GALNT13: variants seen among roughly 807,000 people sequenced by gnomAD.
GALNT13 encodes the protein UDP-GalNAc:polypeptide N-acetylgalactosaminyltransferase 13.
A neutral mutation model predicts 64.2 loss-of-function variants in GALNT13; 28 were observed. That is an observed-to-expected ratio of 0.44 (90% CI 0.32 to 0.60). The LOEUF (loss-of-function observed/expected upper bound fraction) is 0.60, where lower values mean the gene tolerates loss of function less well. Ranked by LOEUF, GALNT13 falls within the 20% of genes least tolerant of loss-of-function variation. The pLI is 0.05. For synonymous variants in GALNT13, 214 were observed against 224.6 expected, an observed-to-expected ratio of 0.95 and a Z score of 0.42; for missense variants, 577 against 669.8, an observed-to-expected ratio of 0.86 and a Z score of 1.53.
the GALNT13 span, among the ~76,000 whole-genome samples, chr2:153,579,169 A>T: frequency 2.0e-5 from 3 of 152,180 alleles, no homozygotes; most frequent in Non-Finnish European, 2.9e-5. Flanking sequence ...CTACCTAGAG[A>T]TTAAAAACTA....
In GALNT13 at chr2:154,242,188, G is replaced by C. The variant is rs1461978668; in HGVS notation, c.470G>C (p.Ser157Thr). The change falls in exon 5 of 13, where the codon AGT becomes ACT. Residue 157 changes from serine to threonine, a missense_variant. Ser to Thr is a moderately conservative substitution (Grantham distance 58). Around this residue, in one of 3 missense-constraint regions of GALNT13, gnomAD observed 341 missense variants for 379.3 expected, o/e 0.90. Transcript: ENST00000392825. ...LSEVILVDDA[S>T]ERDFLKLTLE... ...GAGGTCATCTTGGTAGATGATGCCA[G>C]TGAAAGAGGTACAAACTGGTTTTTT... is the stretch of plus-strand genomic sequence containing the variant. 6.2e-7 allele frequency: 1 copy of C among 1,606,658 alleles called. No homozygotes were observed. The highest frequency in any genetic ancestry group is 8.5e-7 in the Non-Finnish European group (1 of 1,177,970).
At chr2:153,827,081 C>G in the GALNT13 span, among the ~76,000 whole-genome samples, 1 of 152,028 alleles carries the variant, frequency 6.6e-6, no homozygotes, top group African/African-American at 2.4e-5. Flanking sequence ...TAGAGTCTCA[C>G]ATGATTGTAG....
chr2:153,189,290 T>A, the GALNT13 span, among the ~76,000 whole-genome samples: 1 of 152,122 alleles, frequency 6.6e-6, no homozygotes, highest in Non-Finnish European at 1.5e-5. Context: ...GAGATCAGCA[T>A]TTTTTTAGCT....
the GALNT13 span, among the ~76,000 whole-genome samples, chr2:153,843,224 A>G: frequency 2.6e-5 from 4 of 152,164 alleles, no homozygotes; most frequent in Admixed American, 1.3e-4. Flanking sequence ...TGTTGCTGAC[A>G]TATGCTGGGC....
chr2:154,294,378 C>T (rs1692802365), intron 8 of GALNT13, among the ~76,000 whole-genome samples: 1 of 152,136 alleles, frequency 6.6e-6, no homozygotes, highest in Admixed American at 6.5e-5. Context: ...TTTCGTATAT[C>T]CTTATCTTTG....
At chr2:154,208,634 G>A (rs1423061841) in intron 4 of GALNT13, among the ~76,000 whole-genome samples, 2 of 129,676 alleles carry the variant, frequency 1.5e-5, no homozygotes, top group Non-Finnish European at 3.3e-5. Context: ...CTGTGTGTGT[G>A]TGTGTGTGTG....
chr2:153,837,515 C>T, the GALNT13 span, among the ~76,000 whole-genome samples: 1 of 152,040 alleles, frequency 6.6e-6, no homozygotes, highest in African/African-American at 2.4e-5. Flanking sequence ...ATTTGCCTTT[C>T]TGTTTCTGGC....
At chr2:154,279,374 A>G (rs1691834097) in intron 8 of GALNT13, among the ~76,000 whole-genome samples, 1 of 152,170 alleles carries the variant, frequency 6.6e-6, no homozygotes, top group African/African-American at 2.4e-5. Context: ...AGAAGAAACT[A>G]AGGATATTTG....
the GALNT13 span, among the ~76,000 whole-genome samples, chr2:153,627,115 G>T: frequency 2.6e-5 from 4 of 152,054 alleles, no homozygotes; most frequent in Admixed American, 1.3e-4. Context: ...ACCTGAAGGT[G>T]CTTGCAGCCA....
chr2:153,250,091 T>C, the GALNT13 span, among the ~76,000 whole-genome samples: 1 of 151,914 alleles, frequency 6.6e-6, no homozygotes, highest in Admixed American at 6.6e-5. Context: ...ATCATCAGAG[T>C]GAACAGACAA....
intron 9 of GALNT13, among the ~76,000 whole-genome samples, chr2:154,344,416 TC>T (rs1320535832): frequency 6.6e-6 from 1 of 152,044 alleles, no homozygotes; most frequent in African/African-American, 2.4e-5. Context: ...TGAGCTGACA[TC>T]AATGCTTTCA....
At chr2:153,855,342 G>T in the GALNT13 span, among the ~76,000 whole-genome samples, 3 of 152,064 alleles carry the variant, frequency 2.0e-5, no homozygotes, top group Admixed American at 6.6e-5. Context: ...ACAAAGAATT[G>T]AGAACTTTTA....
At chr2:153,650,905 A>G in the GALNT13 span, among the ~76,000 whole-genome samples, 4 of 152,138 alleles carry the variant, frequency 2.6e-5, no homozygotes, top group Non-Finnish European at 4.4e-5. Flanking sequence ...CGTATCTTTT[A>G]TAAATAAACC....
At chr2:153,883,653 A>G (rs1472905921) in intron 1 of GALNT13, among the ~76,000 whole-genome samples, 1 of 152,090 alleles carries the variant, frequency 6.6e-6, no homozygotes, top group Non-Finnish European at 1.5e-5. Context: ...ATTAGTATAA[A>G]GAAATGGAGG....
At chr2:153,365,367 C>T in the GALNT13 span, among the ~76,000 whole-genome samples, 1 of 152,124 alleles carries the variant, frequency 6.6e-6, no homozygotes, top group South Asian at 2.1e-4. Flanking sequence ...AAAACAATTG[C>T]AACAAAAGCC....
At chr2:154,034,109 A>T (rs1383719703) in intron 3 of GALNT13, among the ~76,000 whole-genome samples, 1 of 152,184 alleles carries the variant, frequency 6.6e-6, no homozygotes, top group African/African-American at 2.4e-5. Flanking sequence ...CTCAGCCATC[A>T]CACTACAAGG....
At chr2:153,981,674 A>G (rs1694474629) in intron 3 of GALNT13, among the ~76,000 whole-genome samples, 1 of 152,054 alleles carries the variant, frequency 6.6e-6, no homozygotes. Context: ...GCTGCGATAT[A>G]GTTTCTAGAA....
chr2:153,477,868 TCTCTC>T, the GALNT13 span: 1 of 271,336 alleles, frequency 3.7e-6, no homozygotes, highest in Non-Finnish European at 7.0e-6. Context: ...TGCCGCTGGG[TCTCTC>T]CCCTGCCCGC....
At chr2:153,374,119 A>G in the GALNT13 span, among the ~76,000 whole-genome samples, 2 of 152,118 alleles carry the variant, frequency 1.3e-5, no homozygotes, top group Non-Finnish European at 2.9e-5. Context: ...ACTCTTTTGG[A>G]AGTAGAATTC....
Sources: gnomAD v4.1 joint callset for allele counts (sites outside exome capture counted in the v4.1 genomes callset) on GRCh38, gnomAD v4.1.1 for gene constraint, gnomAD v4.1.1 regional missense constraint, MANE v1.5 for transcripts, NCBI Gene and HGNC (gene_info 2026-07-23, HGNC 2026-07-21) for gene names.